OLFM3: variants seen among roughly 807,000 people sequenced by gnomAD.
The protein encoded by OLFM3 is olfactomedin 3.
In OLFM3, 20 loss-of-function variants were observed where a neutral mutation model predicts 48.6. The observed-to-expected ratio is 0.41, with a 90% CI of 0.29 to 0.60. The LOEUF (loss-of-function observed/expected upper bound fraction) is 0.60, where lower values mean the gene tolerates loss of function less well. OLFM3 is among the 20% of genes least tolerant of loss of function. The probability of loss-of-function intolerance (pLI) is 0.28; values close to 1 mark genes in which losing one functional copy is unlikely to be tolerated. For missense variants in OLFM3, 437 were observed against 544.3 expected, an observed-to-expected ratio of 0.80 and a Z score of 1.96; for synonymous variants, 222 against 198.1, an observed-to-expected ratio of 1.12 and a Z score of -1.01.
At chr1:101,992,150 T>G (rs1661429456) in intron 1 of OLFM3, among the ~76,000 whole-genome samples, 3 of 152,126 alleles carry the variant, frequency 2.0e-5, no homozygotes, top group Non-Finnish European at 4.4e-5. Context: ...GAATCCTCTG[T>G]TTCTCCCACT....
At chr1:101,832,811 T>G (rs148452635) in intron 2 of OLFM3, among the ~76,000 whole-genome samples, 25 of 152,246 alleles carry the variant, frequency 1.6e-4, no homozygotes, top group African/African-American at 6.0e-4. Context: ...ATTTCTTAAT[T>G]TACTAAAAGT....
At chr1:101,912,061 C>G (rs576037687) in intron 1 of OLFM3, among the ~76,000 whole-genome samples, 3 of 152,138 alleles carry the variant, frequency 2.0e-5, no homozygotes, top group Non-Finnish European at 2.9e-5. Flanking sequence ...GGGGGTTTAT[C>G]GAGCATCTCT....
At position 101,804,829 on chromosome 1, in the gene OLFM3, C is replaced by T. The variant is rs768244293; in HGVS notation, c.786G>A (p.Arg262=). The change falls in exon 6 of 6, where the codon AGG becomes AGA. Residue 262 remains arginine, a synonymous_variant. Coordinates refer to ENST00000370103, the MANE Select transcript of OLFM3 (RefSeq NM_058170.4). The surrounding 1 kb of genome is among the most constrained non-coding windows in gnomAD (Gnocchi z 4.5). The part of the protein sequence containing the change: ...IADFVSGAES[R]TYNLPFKWAG... Reference sequence around the variant, plus strand: ...CCCACTTGAAAGGAAGGTTGTATGTCCTTGATTCAGCCCCACTGACAAAGT... The same window carrying T: ...CCCACTTGAAAGGAAGGTTGTATGTTCTTGATTCAGCCCCACTGACAAAGT... 7 of 1,612,484 alleles carry T rather than the reference C, an allele frequency of 4.3e-6. No individual in the cohort carries two copies. The East Asian group carries it at 1.6e-4, about 36-fold the overall frequency.
At chr1:101,821,970 T>C (rs1557687997) in intron 4 of OLFM3, among the ~76,000 whole-genome samples, 1 of 152,122 alleles carries the variant, frequency 6.6e-6, no homozygotes. Flanking sequence ...ATAAAATTAA[T>C]TAAAAAGATC....
At chr1:101,924,026 T>C (rs939270481) in intron 1 of OLFM3, among the ~76,000 whole-genome samples, 1 of 152,176 alleles carries the variant, frequency 6.6e-6, no homozygotes, top group East Asian at 1.9e-4. Context: ...TAAACCATTG[T>C]TGAGAACTGA....
At chr1:101,945,417 G>T (rs757135191) in intron 1 of OLFM3, among the ~76,000 whole-genome samples, 8 of 152,136 alleles carry the variant, frequency 5.3e-5, no homozygotes, top group Non-Finnish European at 1.2e-4. Flanking sequence ...AGTATATATG[G>T]TATGATTCCA....
chr1:101,991,016 A>AAATAT (rs1553186119), intron 1 of OLFM3, among the ~76,000 whole-genome samples: 19 of 32,222 alleles, frequency 5.9e-4, no homozygotes, highest in Admixed American at 2.0e-3. Context: ...AAAAAAAAAA[A>AAATAT]ATATATATAT....
intron 1 of OLFM3, among the ~76,000 whole-genome samples, chr1:101,991,970 T>C (rs1320591143): frequency 2.0e-5 from 3 of 152,110 alleles, no homozygotes; most frequent in Non-Finnish European, 4.4e-5. Flanking sequence ...TTGGTTAATT[T>C]TTGATAAATG....
chr1:101,979,637 G>A (rs1287409766), intron 1 of OLFM3, among the ~76,000 whole-genome samples: 2 of 152,202 alleles, frequency 1.3e-5, no homozygotes, highest in African/African-American at 2.4e-5. Context: ...ATGCCTGGAT[G>A]TCCAGGCAGA....
At chr1:101,822,959 C>G (rs1570521467) in intron 4 of OLFM3, among the ~76,000 whole-genome samples, 1 of 151,896 alleles carries the variant, frequency 6.6e-6, no homozygotes, top group African/African-American at 2.4e-5. Flanking sequence ...CATTTTGACT[C>G]AAATAGGATG....
intron 2 of OLFM3, among the ~76,000 whole-genome samples, chr1:101,831,281 A>G (rs12057202): frequency 0.058 from 8,757 of 152,256 alleles, 832 homozygotes; most frequent in African/African-American, 0.2. Flanking sequence ...ATTCTAGCTC[A>G]GTAAGTTCTT....
At chr1:101,867,083 A>G (rs1264521713) in intron 1 of OLFM3, among the ~76,000 whole-genome samples, 2 of 152,158 alleles carry the variant, frequency 1.3e-5, no homozygotes, top group Non-Finnish European at 2.9e-5. Context: ...TCTTACAATC[A>G]GTTATATTGC....
At chr1:101,987,069 T>C (rs1051084439) in intron 1 of OLFM3, among the ~76,000 whole-genome samples, 4 of 152,236 alleles carry the variant, frequency 2.6e-5, no homozygotes, top group African/African-American at 7.2e-5. Context: ...CAAAGTCTTA[T>C]TTTATTTTTG....
chr1:101,881,863 T>G (rs550423574), intron 1 of OLFM3, among the ~76,000 whole-genome samples: 1 of 151,710 alleles, frequency 6.6e-6, no homozygotes, highest in African/African-American at 2.4e-5. Context: ...CTTTCTTTAT[T>G]TATTTATTAC....
chr1:101,806,172 T>G lies in OLFM3; in HGVS notation c.603A>C (p.Lys201Asn). The G allele has an allele frequency of 6.2e-7, 1 of 1,611,508 alleles. No individual in the cohort carries two copies. The highest frequency in any genetic ancestry group is 8.5e-7 in the Non-Finnish European group (1 of 1,178,324). ...RDCMKKLTCG[K>N]LMKITGPVTV... ...TAACTGGGCCTGTGATTTTCATCAG[T>G]TTGCCACATGCTGAAATTAGAGAAA... The change falls in exon 5 of 6, where the codon AAA becomes AAC. Residue 201 changes from lysine to asparagine, a missense_variant. Lys to Asn is a moderately conservative substitution (Grantham distance 94, BLOSUM62 0). Coordinates refer to ENST00000370103, the MANE Select transcript of OLFM3 (RefSeq NM_058170.4).
intron 4 of OLFM3, among the ~76,000 whole-genome samples, chr1:101,819,316 C>A (rs990683043): frequency 6.6e-6 from 1 of 152,060 alleles, no homozygotes; most frequent in Non-Finnish European, 1.5e-5. Context: ...TCAGGCAGAG[C>A]CCATTTCATG....
rs1303311084 is a variant in OLFM3 at position 101,802,619 on chromosome 1, T to C, written c.*1619A>G. 6.6e-6 allele frequency: 1 copy of C among 151,664 alleles called. No individual in the cohort carries two copies. The highest frequency in any genetic ancestry group is 1.5e-5 in the Non-Finnish European group (1 of 67,698). The allele number at this position is 151,664 out of a possible 1,614,324, so 9.4% of individuals were successfully genotyped here. Reference sequence around the variant, plus strand: ...ATTCTACAATTTTGACAGTGAGATATTTGAGGATGATGCTTTACTTGTGAC... The same window carrying C: ...ATTCTACAATTTTGACAGTGAGATACTTGAGGATGATGCTTTACTTGTGAC... On this transcript the variant is annotated 3_prime_UTR_variant, in exon 6 of 6. Coordinates refer to ENST00000370103, the MANE Select transcript of OLFM3 (RefSeq NM_058170.4).
In OLFM3 at chr1:101,878,560, T is replaced by TG. The variant is rs765632231; in HGVS notation, c.70-41536dup. On this transcript the variant is annotated intron_variant, in intron 1 of 5. Transcript: ENST00000370103. ...GGCTCTAACACTGGCTTGAGATTAG[T>TG]GGTTATAGGAAGCAGTAGGGGTAGA... 3.4e-4 allele frequency among the ~76,000 whole-genome samples: 52 copies of TG among 151,780 alleles called. 1 individual carries two copies. The highest frequency in any genetic ancestry group is 5.9e-4 in the Non-Finnish European group (40 of 67,860).
chr1:101,834,235 T>C lies in OLFM3; in HGVS notation c.216+2644A>G, dbSNP rs183700848. On this transcript the variant is annotated intron_variant, in intron 2 of 5. Coordinates refer to ENST00000370103, the MANE Select transcript of OLFM3 (RefSeq NM_058170.4). Reference sequence around the variant, plus strand: ...ATCTGTTAGAGCCACAACTTACTGATTGAGTGACAATGGAAAGTTTTCAAC... The same window carrying C: ...ATCTGTTAGAGCCACAACTTACTGACTGAGTGACAATGGAAAGTTTTCAAC... Among the ~76,000 whole-genome samples the C allele has an allele frequency of 1.1e-4, 16 of 152,308 alleles. No homozygotes were observed. In the East Asian group the frequency reaches 1.9e-3, roughly 18 times the overall value.
Sources: gnomAD v4.1 joint callset for allele counts (sites outside exome capture counted in the v4.1 genomes callset) on GRCh38, gnomAD v4.1.1 for gene constraint, Gnocchi (gnomAD v3.1) non-coding constraint, MANE v1.5 for transcripts, NCBI Gene and HGNC (gene_info 2026-07-23, HGNC 2026-07-21) for gene names.